The following BRAP variants were observed in gnomAD, a reference collection of about 807,000 sequenced individuals.
The protein encoded by BRAP is BRCA1-associated protein.
Under a neutral mutation model 73.4 loss-of-function variants are expected in BRAP, and 42 were observed. The ratio of observed to expected loss-of-function variants is 0.57; its 90% CI spans 0.45 to 0.74. The LOEUF (loss-of-function observed/expected upper bound fraction) is 0.74. BRAP is among the 30% of genes least tolerant of loss of function. The pLI, the probability that BRAP is intolerant of heterozygous loss-of-function variation, is 0.00. For synonymous variants in BRAP, 255 were observed against 267.4 expected (o/e 0.95, Z 0.45); for missense variants, 593 against 751.4 (o/e 0.79, Z 2.46).
rs1351686661 is a variant in BRAP, at chr12:111,644,602, T to C, written c.1416-40A>G. 4 of 1,595,710 alleles carry C rather than the reference T, an allele frequency of 2.5e-6. No homozygotes were observed. In the African/African-American group the frequency reaches 5.4e-5, roughly 21 times the overall value. ...AGGAAGACAAAAGCACATTTTTCAT[T>C]TGCTGACACAGTCCCCTTTCTGCTC... On this transcript the variant is annotated intron_variant, in intron 11 of 11. Transcript: ENST00000419234.
intron 6 of BRAP, among the ~76,000 whole-genome samples, chr12:111,662,148 A>G (rs1304641348): frequency 6.6e-6 from 1 of 152,228 alleles, no homozygotes; most frequent in Non-Finnish European, 1.5e-5. Context: ...TCCACACAAA[A>G]TAATACTAAA....
At chr12:111,659,179 C>T (rs544076084) in intron 8 of BRAP, 28 bp downstream of exon 8, 1 of 1,606,246 alleles carries the variant, frequency 6.2e-7, no homozygotes, top group Middle Eastern at 1.7e-4. Context: ...CAGAATGAGT[C>T]CAAATTAGAA....
chr12:111,685,565 G>A, intron 1 of BRAP, 146 bp downstream of exon 1: 2 of 1,362,022 alleles, frequency 1.5e-6, no homozygotes, highest in South Asian at 1.7e-5. Flanking sequence ...AAGGCGGATG[G>A]GAAAGAGAGG....
intron 10 of BRAP, among the ~76,000 whole-genome samples, chr12:111,654,249 G>A (rs1377117136): frequency 6.6e-6 from 1 of 152,156 alleles, no homozygotes; most frequent in Admixed American, 6.5e-5. Flanking sequence ...AAGGGCACAT[G>A]CATTGATTAG....
intron 11 of BRAP, among the ~76,000 whole-genome samples, chr12:111,647,370 G>GA (rs34704895): frequency 6.6e-6 from 1 of 151,862 alleles, no homozygotes; most frequent in African/African-American, 2.4e-5. Context: ...GTGCTAGTAT[G>GA]AAAAAAAATC....
At chr12:111,675,929 A>T (rs924666283) in intron 4 of BRAP, among the ~76,000 whole-genome samples, 2 of 151,984 alleles carry the variant, frequency 1.3e-5, no homozygotes, top group Non-Finnish European at 2.9e-5. Context: ...ACAAAATTGA[A>T]CTTCCTTCTG....
intron 2 of BRAP, 146 bp from the exon 3 acceptor site, chr12:111,681,981 G>A: frequency 1.3e-6 from 1 of 786,524 alleles, no homozygotes; most frequent in Non-Finnish European, 1.9e-6. Flanking sequence ...TTGTAGAATA[G>A]CTGAGTTTAT....
intron 9 of BRAP, among the ~76,000 whole-genome samples, chr12:111,658,150 G>C (rs1472787049): frequency 6.6e-6 from 1 of 151,742 alleles, no homozygotes; most frequent in Non-Finnish European, 1.5e-5. Context: ...GGTTGGTCTT[G>C]AACTCCTGAT....
chr12:111,665,695 T>C lies in BRAP; in HGVS notation c.840A>G (p.Thr280=). ...RMDESVNGIL[T]TLCNHSFHSQ... is the part of the protein sequence containing the mutation. ...TGTGGAAGCTGTGGTTACATAACGT[T>C]GTGAGGATGCCATTCACAGACTCGT... The change falls in exon 6 of 12, where the codon ACA becomes ACG. Residue 280 remains threonine (T), a synonymous_variant. Transcript: ENST00000419234. This position sits in a 1 kb window ranked among gnomAD's most constrained non-coding sequence, Gnocchi z 4.3. The C allele has an allele frequency of 3.1e-6, 5 of 1,614,222 alleles. No individual in the cohort carries two copies. Among genetic ancestry groups the C allele is most frequent in the African/African-American group, 1.3e-5 (1 of 75,058 alleles).
intron 11 of BRAP, among the ~76,000 whole-genome samples, chr12:111,648,539 G>A (rs1165809416): frequency 7.0e-6 from 1 of 142,800 alleles, no homozygotes; most frequent in Admixed American, 7.2e-5. Context: ...TTGAATCCGG[G>A]AGGCGGAGGT....
At position 111,649,926 on chromosome 12, in the gene BRAP, C is replaced by G; in HGVS notation, c.1415+13G>C. 1 of 1,553,334 alleles carries G rather than the reference C, an allele frequency of 6.4e-7. No homozygotes were observed. Among genetic ancestry groups the G allele is most frequent in the Non-Finnish European group, 8.9e-7 (1 of 1,127,704 alleles). ...TAGAGCCTGTTACAACAGAATAGACCGATTATACCTACTTTCTTTCCACAG... is the reference window on the plus strand; with the variant it reads ...TAGAGCCTGTTACAACAGAATAGACGGATTATACCTACTTTCTTTCCACAG... On this transcript the variant is annotated intron_variant, in intron 11 of 11. Coordinates refer to ENST00000419234, the MANE Select transcript of BRAP (RefSeq NM_006768.5).
intron 8 of BRAP, 66 bp from the exon 9 acceptor site, chr12:111,658,911 C>A: frequency 7.7e-7 from 1 of 1,301,874 alleles, no homozygotes; most frequent in South Asian, 1.3e-5. Flanking sequence ...ACTTTTAACT[C>A]TGACAAAATT....
chr12:111,682,039 AAC>A (rs1229904712), intron 2 of BRAP, among the ~76,000 whole-genome samples: 1 of 152,222 alleles, frequency 6.6e-6, no homozygotes, highest in African/African-American at 2.4e-5. Context: ...AAATCTCATT[AAC>A]ACCCTCAGAA....
At chr12:111,649,186 G>T (rs1219806384) in intron 11 of BRAP, among the ~76,000 whole-genome samples, 1 of 152,040 alleles carries the variant, frequency 6.6e-6, no homozygotes, top group African/African-American at 2.4e-5. Context: ...ACAGGGTCTC[G>T]CTGTTGCCCA....
chr12:111,669,186 T>C (rs554085011), intron 5 of BRAP, among the ~76,000 whole-genome samples: 1 of 152,128 alleles, frequency 6.6e-6, no homozygotes, highest in African/African-American at 2.4e-5. Context: ...GTTAAGAGAG[T>C]AACTGCTTAC....
chr12:111,662,945 TAAAAA>T (rs76679225), intron 6 of BRAP, among the ~76,000 whole-genome samples: 1 of 115,008 alleles, frequency 8.7e-6, no homozygotes, highest in African/African-American at 3.2e-5. Context: ...AAAGCCCTTC[TAAAAA>T]AAAAAAAAAA....
intron 10 of BRAP, among the ~76,000 whole-genome samples, chr12:111,651,232 T>C (rs1190495379): frequency 6.8e-6 from 1 of 146,762 alleles, no homozygotes; most frequent in Non-Finnish European, 1.5e-5. Context: ...GCTTTAATAA[T>C]AATAATAATA....
intron 4 of BRAP, 117 bp from the exon 5 acceptor site, chr12:111,672,891 G>A: frequency 1.3e-6 from 1 of 780,700 alleles, no homozygotes. Context: ...TTATACTTAG[G>A]AGAGAGAGCA....
Position 111,683,275 on chromosome 12 carries a change from T to G in BRAP, c.115A>C (p.Thr39Pro). The change falls in exon 2 of 12, where the codon ACG (threonine) becomes CCG (proline). Residue 39 changes from threonine (T) to proline (P), a missense_variant. Transcript: ENST00000419234. ...GEMSDEEIKKTTLASAVACLE... is the reference protein window; with the variant it reads ...GEMSDEEIKKPTLASAVACLE... ...CAGGCTACAGCTGAGGCTAGTGTCG[T>G]CTTTTTTATCTCCTCATCAGACATT... 1 of 1,612,564 alleles carries G rather than the reference T, an allele frequency of 6.2e-7. No individual in the cohort carries two copies. Among genetic ancestry groups the G allele is most frequent in the Non-Finnish European group, 8.5e-7 (1 of 1,179,660 alleles).
Sources: allele counts gnomAD v4.1 joint callset (sites outside exome capture counted in the v4.1 genomes callset), GRCh38; gene constraint gnomAD v4.1.1; non-coding constraint Gnocchi (gnomAD v3.1); transcripts MANE v1.5; gene names NCBI Gene and HGNC (gene_info 2026-07-23, HGNC 2026-07-21).